KIAA1549: variants seen among roughly 807,000 people sequenced by gnomAD.
The protein encoded by KIAA1549 is UPF0606 protein KIAA1549.
In KIAA1549, 70 loss-of-function variants were observed where a neutral mutation model predicts 156.4. That is an observed-to-expected ratio of 0.45 (90% CI 0.37 to 0.55). The LOEUF (loss-of-function observed/expected upper bound fraction) is 0.55. KIAA1549 is among the 20% of genes least tolerant of loss of function. KIAA1549 has a pLI of 0.00. For missense variants in KIAA1549, 2,428 were observed against 2,540.9 expected (o/e 0.96, Z 0.96); for synonymous variants, 1,103 against 1,066.4 (o/e 1.03, Z -0.67).
At chr7:138,867,926 T>C (rs1168208890) in intron 15 of KIAA1549, 49 bp downstream of exon 15, 2 of 1,598,374 alleles carry the variant, frequency 1.3e-6, no homozygotes, top group Admixed American at 1.7e-5. Context: ...CGCATCTTTC[T>C]AGGAGCCGCC....
At chr7:138,849,605 T>C (rs745751595) in intron 17 of KIAA1549, among the ~76,000 whole-genome samples, 96 of 152,178 alleles carry the variant, frequency 6.3e-4, no homozygotes, top group Non-Finnish European at 1.0e-3. Context: ...TGCAGGTTTG[T>C]TATATAGGTA....
At chr7:138,913,218 C>A (rs1812219228) in intron 2 of KIAA1549, among the ~76,000 whole-genome samples, 1 of 152,128 alleles carries the variant, frequency 6.6e-6, no homozygotes, top group African/African-American at 2.4e-5. Flanking sequence ...TCAACAAAAC[C>A]AGATGACATC....
intron 16 of KIAA1549, among the ~76,000 whole-genome samples, chr7:138,860,820 C>A (rs955809613): frequency 1.3e-5 from 2 of 152,190 alleles, no homozygotes; most frequent in African/African-American, 4.8e-5. Flanking sequence ...GGTTACCCCA[C>A]CTCCATTCCG....
chr7:138,941,327 G>A (rs1813178333), intron 1 of KIAA1549, among the ~76,000 whole-genome samples: 1 of 152,138 alleles, frequency 6.6e-6, no homozygotes, highest in East Asian at 1.9e-4. Flanking sequence ...CATAAAGATA[G>A]TAAAGAATAA....
intron 10 of KIAA1549, among the ~76,000 whole-genome samples, chr7:138,885,664 T>C (rs1811369858): frequency 1.3e-5 from 2 of 152,216 alleles, no homozygotes; most frequent in Non-Finnish European, 2.9e-5. Flanking sequence ...CTCAGGGCCA[T>C]GGTCACTCAT....
intron 1 of KIAA1549, among the ~76,000 whole-genome samples, chr7:138,927,820 T>C (rs994974438): frequency 6.6e-6 from 1 of 152,202 alleles, no homozygotes; most frequent in Non-Finnish European, 1.5e-5. Context: ...ATCTGGCTGG[T>C]GTGAAACCTT....
chr7:138,869,171 G>C (rs929574291), intron 14 of KIAA1549, among the ~76,000 whole-genome samples: 2 of 152,192 alleles, frequency 1.3e-5, no homozygotes, highest in African/African-American at 4.8e-5. Flanking sequence ...GTGAGGAAGA[G>C]CCAAGGACAC....
Position 138,917,573 on chromosome 7 carries a change from G to C in KIAA1549, c.2053C>G (p.Leu685Val). The change falls in exon 2 of 20, where the codon CTT (leucine) becomes GTT (valine). Residue 685 changes from leucine (L) to valine (V), a missense_variant. By Grantham distance (32) the Leu-to-Val change is conservative (BLOSUM62 1). Around this residue, in one of 5 missense-constraint regions of KIAA1549, gnomAD observed 762 missense variants for 901.6 expected, o/e 0.85. Transcript: ENST00000422774. Reference protein sequence around the residue: ...SSDLQSSQLSLPSSTNLEFSQ... With the variant: ...SSDLQSSQLSVPSSTNLEFSQ... ...AACTCAAGATTTGTGGAACTGGGAA[G>C]AGACAGCTGAGATGACTGCAGATCA... 1 of 1,613,946 alleles carries C rather than the reference G, an allele frequency of 6.2e-7. No individual in the cohort carries two copies. The highest frequency in any genetic ancestry group is 8.5e-7 in the Non-Finnish European group (1 of 1,179,888).
At chr7:138,842,936 C>T (rs952779862) in intron 18 of KIAA1549, among the ~76,000 whole-genome samples, 3 of 152,092 alleles carry the variant, frequency 2.0e-5, no homozygotes, top group Admixed American at 6.5e-5. Context: ...TATCTTGGCA[C>T]GTCATTTTCC....
At chr7:138,838,301 G>T in intron 19 of KIAA1549, 141 bp from the exon 20 acceptor site, 1 of 856,866 alleles carries the variant, frequency 1.2e-6, no homozygotes, top group Non-Finnish European at 1.7e-6. Context: ...TGCTGCCTAT[G>T]CTGCAGGTGA....
chr7:138,902,793 A>G (rs1811878747), intron 8 of KIAA1549, among the ~76,000 whole-genome samples: 1 of 152,260 alleles, frequency 6.6e-6, no homozygotes, highest in Admixed American at 6.5e-5. Context: ...TGGGCGACAG[A>G]GCGAGACTCT....
At chr7:138,972,355 A>G (rs1814244415) in intron 1 of KIAA1549, among the ~76,000 whole-genome samples, 1 of 145,004 alleles carries the variant, frequency 6.9e-6, no homozygotes, top group Non-Finnish European at 1.5e-5. Flanking sequence ...TGACACCCCA[A>G]TCCCTCCCGC....
rs1286883199 is a variant in KIAA1549 at position 138,917,973 on chromosome 7, G to T, written c.1653C>A (p.Ser551=). 6 of 1,593,250 alleles carry T rather than the reference G, an allele frequency of 3.8e-6. No homozygotes were observed. In the Admixed American group the frequency reaches 9.0e-5, roughly 24 times the overall value. The part of the protein sequence containing the change: ...LSVAETQVTP[S]SVTTAFFSVI... Reference sequence around the variant, plus strand: ...CCGAGAAAAATGCAGTGGTCACGCTGGATGGCGTCACTTGGGTTTCAGCAA... The same window carrying T: ...CCGAGAAAAATGCAGTGGTCACGCTTGATGGCGTCACTTGGGTTTCAGCAA... The change falls in exon 2 of 20, where the codon TCC becomes TCA. Residue 551 remains serine (S), a synonymous_variant. Transcript: ENST00000422774.
intron 1 of KIAA1549, among the ~76,000 whole-genome samples, chr7:138,926,537 G>A (rs575654489): frequency 2.0e-5 from 3 of 152,108 alleles, no homozygotes; most frequent in East Asian, 1.9e-4. Flanking sequence ...CGTCTGTCTC[G>A]GTCTCCCAAA....
chr7:138,870,813 TTTTTTG>T (rs1167645797), intron 13 of KIAA1549, among the ~76,000 whole-genome samples: 2 of 152,124 alleles, frequency 1.3e-5, no homozygotes, highest in Non-Finnish European at 2.9e-5. Flanking sequence ...TGTGTGAGTT[TTTTTTG>T]TTTTTGTTTT....
chr7:138,898,960 G>A lies in KIAA1549; in HGVS notation c.3842C>T (p.Ala1281Val). The part of the protein sequence containing the change: ...ILGYRIQGVI[A>V]QPVDRVKRPS... Reference sequence around the variant, plus strand: ...ACAACACCTCAGGCACTTACGCTGGGCAATGACACCTTGAATTCGGTAACC... The same window carrying A: ...ACAACACCTCAGGCACTTACGCTGGACAATGACACCTTGAATTCGGTAACC... Residue 1281 changes from alanine to valine, a missense_variant, in exon 9 of 20, where the codon GCC (alanine) becomes GTC (valine). Ala to Val is a moderately conservative substitution (Grantham distance 64). Around this residue, in one of 5 missense-constraint regions of KIAA1549, gnomAD observed 762 missense variants for 901.6 expected, o/e 0.85. Transcript: ENST00000422774. 1 of 1,613,724 alleles carries A rather than the reference G, an allele frequency of 6.2e-7. No individual in the cohort carries two copies. The highest frequency in any genetic ancestry group is 8.5e-7 in the Non-Finnish European group (1 of 1,179,696).
At chr7:138,862,524 GAAA>G (rs1162856467) in intron 15 of KIAA1549, among the ~76,000 whole-genome samples, 1 of 130,340 alleles carries the variant, frequency 7.7e-6, no homozygotes, top group African/African-American at 2.8e-5. Context: ...AAAAGAAAAA[GAAA>G]AAAAAAAAGC....
intron 1 of KIAA1549, among the ~76,000 whole-genome samples, chr7:138,968,674 C>T (rs565564326): frequency 2.2e-4 from 33 of 151,206 alleles, no homozygotes; most frequent in African/African-American, 6.6e-4. Flanking sequence ...GGTGAAACCC[C>T]GTCTCTACTA....
chr7:138,875,801 T>A lies in KIAA1549; in HGVS notation c.4345+3737A>T, dbSNP rs117751759. On this transcript the variant is annotated intron_variant, in intron 12 of 19. Transcript: ENST00000422774. ...TACAAGTAAACACAGTCAAACCACT[T>A]TTTTTGTCCCCCGAGACAGGGTCTC... Among the ~76,000 whole-genome samples the A allele has an allele frequency of 7.7e-3, 1,165 of 152,092 alleles. 11 individuals carry two copies. Among genetic ancestry groups the A allele is most frequent in the Non-Finnish European group, 0.011 (750 of 67,998 alleles).
Sources: gnomAD v4.1 joint callset for allele counts (sites outside exome capture counted in the v4.1 genomes callset) on GRCh38, gnomAD v4.1.1 for gene constraint, gnomAD v4.1.1 regional missense constraint, MANE v1.5 for transcripts, NCBI Gene and HGNC (gene_info 2026-07-23, HGNC 2026-07-21) for gene names.